KLF14: variants seen among roughly 807,000 people sequenced by gnomAD.
The protein encoded by KLF14 is Krueppel-like factor 14.
In KLF14, 13 loss-of-function variants were observed where a neutral mutation model predicts 16.2. That is an observed-to-expected ratio of 0.80 (90% CI 0.52 to 1.28). KLF14 has a LOEUF of 1.28. Among genes scored for constraint, KLF14 ranks in the 50% most tolerant of loss-of-function variants. KLF14 has a pLI of 0.00. For missense variants in KLF14, 571 were observed against 493.4 expected (o/e 1.16, Z -1.49); for synonymous variants, 276 against 233.7 (o/e 1.18, Z -1.65).
Position 130,732,819 on chromosome 7 carries a change from TG to T in KLF14, c.*242del. The T allele has an allele frequency of 1.9e-6, 1 of 516,824 alleles. No individual in the cohort carries two copies. Among genetic ancestry groups the T allele is most frequent in the Non-Finnish European group, 3.4e-6 (1 of 291,462 alleles). The allele number at this position is 516,824 out of a possible 1,614,324, so 32.0% of individuals were successfully genotyped here. A position where few individuals can be genotyped will look rare whatever the true frequency, so the allele number is the denominator to read the frequency against. Reference sequence around the variant, plus strand: ...GAGTTCATCCCTTCTTATCAGTTCCTGGGGGCTGTCTTGAGGCAACCCCCAC... The same window carrying T: ...GAGTTCATCCCTTCTTATCAGTTCCTGGGGCTGTCTTGAGGCAACCCCCAC... On this transcript the variant is annotated 3_prime_UTR_variant, in exon 1 of 1. Transcript: ENST00000583337.
chr7:130,733,893 C>T lies in KLF14; in HGVS notation c.141G>A (p.Pro47=). ...CCGGACCCGGCAGAGCGGACTCCGG[C>T]GGCGCCGCACCCACCTCCGAGCCAG... is the stretch of plus-strand genomic sequence containing the variant. ...GAAGSEVGAA[P]PESALPGPGP... is the part of the protein sequence containing the mutation. The change falls in exon 1 of 1, where the codon CCG becomes CCA. Residue 47 remains proline (P), a synonymous_variant. Coordinates refer to ENST00000583337, the MANE Select transcript of KLF14 (RefSeq NM_138693.4). This position sits in a 1 kb window ranked among gnomAD's most constrained non-coding sequence, Gnocchi z 5.2. 7.5e-7 allele frequency: 1 copy of T among 1,334,016 alleles called. No homozygotes were observed. The allele number at this position is 1,334,016 out of a possible 1,614,324, so 82.6% of individuals were successfully genotyped here.
chr7:130,732,909 A>G lies in KLF14; in HGVS notation c.*153T>C. 1 of 926,134 alleles carries G rather than the reference A, an allele frequency of 1.1e-6. No homozygotes were observed. Among genetic ancestry groups the G allele is most frequent in the Non-Finnish European group, 1.6e-6 (1 of 637,104 alleles). The allele number at this position is 926,134 out of a possible 1,614,324, so 57.4% of individuals were successfully genotyped here. ...TTTCCGGCCCCCAGTACCTCCCCAG[A>G]GTCCACATGTCTGCCTGGACCCACC... On this transcript the variant is annotated 3_prime_UTR_variant, in exon 1 of 1. Coordinates refer to ENST00000583337, the MANE Select transcript of KLF14 (RefSeq NM_138693.4).
Position 130,733,433 on chromosome 7 carries a change from C to A in KLF14, c.601G>T (p.Gly201Cys). Reference sequence around the variant, plus strand: ...GACTTGTAATAGGCTTTGGTGCAGCCCGGGAAGGGGCATTGGTGGCGCTTG... The same window carrying A: ...GACTTGTAATAGGCTTTGGTGCAGCACGGGAAGGGGCATTGGTGGCGCTTG... Reference protein sequence around the residue: ...AAKRHQCPFPGCTKAYYKSSH... With the variant: ...AAKRHQCPFPCCTKAYYKSSH... Residue 201 changes from glycine (G) to cysteine (C), a missense_variant, in exon 1 of 1, where the codon GGC becomes TGC. Gly to Cys is a radical substitution (Grantham distance 159). Coordinates refer to ENST00000583337, the MANE Select transcript of KLF14 (RefSeq NM_138693.4). The surrounding 1 kb of genome is among the most constrained non-coding windows in gnomAD (Gnocchi z 5.2). The A allele has an allele frequency of 6.2e-7, 1 of 1,614,042 alleles. No individual in the cohort carries two copies. Among genetic ancestry groups the A allele is most frequent in the Non-Finnish European group, 8.5e-7 (1 of 1,179,984 alleles).
rs1554471196 is a variant in KLF14, at chr7:130,733,937, C to G, written c.97G>C (p.Glu33Gln). 2 of 1,357,772 alleles carry G rather than the reference C, an allele frequency of 1.5e-6. No homozygotes were observed. Among genetic ancestry groups the G allele is most frequent in the South Asian group, 1.6e-5 (1 of 63,796 alleles). The allele number at this position is 1,357,772 out of a possible 1,614,324, so 84.1% of individuals were successfully genotyped here. Residue 33 changes from glutamate (E) to glutamine (Q), a missense_variant, in exon 1 of 1, where the codon GAG (glutamate) becomes CAG (glutamine). By Grantham distance (29) the Glu-to-Gln change is conservative. Transcript: ENST00000583337. This position sits in a 1 kb window ranked among gnomAD's most constrained non-coding sequence, Gnocchi z 5.2. ...AVVHRRPPDPEGAGGAAGSEV... is the reference protein window; with the variant it reads ...AVVHRRPPDPQGAGGAAGSEV... ...GAGCCAGCGGCTCCACCCGCGCCCT[C>G]GGGGTCCGGCGGGCGGCGGTGAACC...
In KLF14 at chr7:130,733,717, T is replaced by TC; in HGVS notation, c.316dup (p.Glu106GlyfsTer117). 6.4e-7 allele frequency: 1 copy of TC among 1,558,930 alleles called. No individual in the cohort carries two copies. The highest frequency in any genetic ancestry group is 8.6e-7 in the Non-Finnish European group (1 of 1,159,130). On this transcript the variant is annotated frameshift_variant, in exon 1 of 1. Coordinates refer to ENST00000583337, the MANE Select transcript of KLF14 (RefSeq NM_138693.4). LOFTEE classifies it high-confidence loss of function. The surrounding 1 kb of genome is among the most constrained non-coding windows in gnomAD (Gnocchi z 5.2). ...GAAGCCGGACGAGGCGCGTGGAGCT[T>TC]CCCCCGAGTTCTCCCAGGAGCCCTC...
In KLF14 at chr7:130,733,982, A is replaced by C. The variant is rs1267715403; in HGVS notation, c.52T>G (p.Ser18Ala). The change falls in exon 1 of 1, where the codon TCC becomes GCC. Residue 18 changes from serine (S) to alanine (A), a missense_variant. Coordinates refer to ENST00000583337, the MANE Select transcript of KLF14 (RefSeq NM_138693.4). The surrounding 1 kb of genome is among the most constrained non-coding windows in gnomAD (Gnocchi z 5.2). ...TGAACCACGGCGCCCGCGGACATGGACACCAGGCACTCGGCGGCGAAGTAG... is the reference window on the plus strand; with the variant it reads ...TGAACCACGGCGCCCGCGGACATGGCCACCAGGCACTCGGCGGCGAAGTAG... Reference protein sequence around the residue: ...LDYFAAECLVSMSAGAVVHRR... With the variant: ...LDYFAAECLVAMSAGAVVHRR... 71 of 1,378,058 alleles carry C rather than the reference A, an allele frequency of 5.2e-5. No individual in the cohort carries two copies. The highest frequency in any genetic ancestry group is 6.5e-5 in the Non-Finnish European group (69 of 1,061,018). The allele number at this position is 1,378,058 out of a possible 1,614,324, so 85.4% of individuals were successfully genotyped here. A position where few individuals can be genotyped will look rare whatever the true frequency, so the allele number is the denominator to read the frequency against.
Position 130,733,603 on chromosome 7 carries a change from G to C in KLF14, c.431C>G (p.Ser144Cys). ...GAAAVCAPESSSDAPAVPSAP... is the reference protein window; with the variant it reads ...GAAAVCAPESCSDAPAVPSAP... ...GCTTGGGACGGCGGGCGCATCGGAG[G>C]AGCTCTCGGGAGCGCAGACCGCCGC... The change falls in exon 1 of 1, where the codon TCC becomes TGC. Residue 144 changes from serine (S) to cysteine (C), a missense_variant. Ser to Cys is a moderately radical substitution (Grantham distance 112). Transcript: ENST00000583337. The surrounding 1 kb of genome is among the most constrained non-coding windows in gnomAD (Gnocchi z 5.2). 1 of 1,543,058 alleles carries C rather than the reference G, an allele frequency of 6.5e-7. No individual in the cohort carries two copies. Among genetic ancestry groups the C allele is most frequent in the Non-Finnish European group, 8.7e-7 (1 of 1,145,914 alleles).
Position 130,733,142 on chromosome 7 carries a change from G to A in KLF14, c.892C>T (p.Pro298Ser), listed in dbSNP as rs1229434799. Residue 298 changes from proline to serine, a missense_variant, in exon 1 of 1, where the codon CCG (proline) becomes TCG (serine). By Grantham distance (74) the Pro-to-Ser change is moderately conservative. Transcript: ENST00000583337. This position sits in a 1 kb window ranked among gnomAD's most constrained non-coding sequence, Gnocchi z 5.2. ...CTTTCCACCTCGCTGGTGAGTGGCG[G>A]GTCGATGCGGGGAGTTCGACGACGT... ...RGRRRTPRID[P>S]PLTSEVESSA... The A allele has an allele frequency of 1.3e-6, 2 of 1,580,190 alleles. No individual in the cohort carries two copies. The highest frequency in any genetic ancestry group is 3.6e-5 in the Admixed American group (2 of 55,434).
rs782482179 is a variant in KLF14, at chr7:130,733,302, G to C, written c.732C>G (p.Arg244=). ...TCTCGCCCGTGTGCGTCCTGTAGTG[G>C]CGGGCCAGCTCGTCGGAACGCGTAA... ...KKFTRSDELA[R]HYRTHTGEKR... is the part of the protein sequence containing the mutation. Residue 244 remains arginine, a synonymous_variant, in exon 1 of 1, where the codon CGC becomes CGG. Coordinates refer to ENST00000583337, the MANE Select transcript of KLF14 (RefSeq NM_138693.4). This position sits in a 1 kb window ranked among gnomAD's most constrained non-coding sequence, Gnocchi z 5.2. 1.7e-5 allele frequency: 27 copies of C among 1,607,846 alleles called. No individual in the cohort carries two copies. The highest frequency in any genetic ancestry group is 2.2e-5 in the East Asian group (1 of 44,544).
In KLF14 at chr7:130,732,826, T is replaced by G; in HGVS notation, c.*236A>C. ...TCCCTTCTTATCAGTTCCTGGGGGC[T>G]GTCTTGAGGCAACCCCCACTTTTAG... is the stretch of plus-strand genomic sequence containing the variant. On this transcript the variant is annotated 3_prime_UTR_variant, in exon 1 of 1. Transcript: ENST00000583337. 1 of 526,006 alleles carries G rather than the reference T, an allele frequency of 1.9e-6. No individual in the cohort carries two copies. Among genetic ancestry groups the G allele is most frequent in the Non-Finnish European group, 3.4e-6 (1 of 297,962 alleles). The allele number at this position is 526,006 out of a possible 1,614,324, so 32.6% of individuals were successfully genotyped here.
chr7:130,733,663 G>A lies in KLF14; in HGVS notation c.371C>T (p.Thr124Ile), dbSNP rs782680939. The A allele has an allele frequency of 3.2e-6, 5 of 1,565,246 alleles. No homozygotes were observed. The South Asian group carries it at 5.9e-5, about 18-fold the overall frequency. The change falls in exon 1 of 1, where the codon ACC (threonine) becomes ATC (isoleucine). Residue 124 changes from threonine to isoleucine, a missense_variant. Transcript: ENST00000583337. This position sits in a 1 kb window ranked among gnomAD's most constrained non-coding sequence, Gnocchi z 5.2. Reference sequence around the variant, plus strand: ...GGCGGGAGCCAGCTCGGAGCACGGGGTCTGGACGGAGCACGGGATCGGGTC... The same window carrying A: ...GGCGGGAGCCAGCTCGGAGCACGGGATCTGGACGGAGCACGGGATCGGGTC... ...FSDPIPCSVQ[T>I]PCSELAPASG...
Position 130,732,971 on chromosome 7 carries a change from T to G in KLF14, c.*91A>C. ...GGAACCAGTCTGTGCCTTGGTGTAA[T>G]GACTCTGGGAAAGAAGGATGGGCAG... On this transcript the variant is annotated 3_prime_UTR_variant, in exon 1 of 1. Transcript: ENST00000583337. 1 of 1,448,874 alleles carries G rather than the reference T, an allele frequency of 6.9e-7. No individual in the cohort carries two copies. Among genetic ancestry groups the G allele is most frequent in the African/African-American group, 1.4e-5 (1 of 70,946 alleles). 89.8% of individuals were successfully genotyped at this position (1,448,874 alleles called of 1,614,324 possible).
At position 130,734,089 on chromosome 7, in the gene KLF14, A is replaced by G. The variant is rs1436760303; in HGVS notation, c.-56T>C. On this transcript the variant is annotated 5_prime_UTR_variant, in exon 1 of 1. Coordinates refer to ENST00000583337, the MANE Select transcript of KLF14 (RefSeq NM_138693.4). The surrounding 1 kb of genome is among the most constrained non-coding windows in gnomAD (Gnocchi z 4.4). ...GTCCGAACGCGGCCGGCCGCGGGCGACGGAGTTCCCGGGAGCGTCCGTCCC... is the reference window on the plus strand; with the variant it reads ...GTCCGAACGCGGCCGGCCGCGGGCGGCGGAGTTCCCGGGAGCGTCCGTCCC... The G allele has an allele frequency of 3.2e-5, 34 of 1,078,842 alleles. No individual in the cohort carries two copies. The highest frequency in any genetic ancestry group is 3.5e-5 in the Non-Finnish European group (30 of 868,592). 66.8% of individuals were successfully genotyped at this position (1,078,842 alleles called of 1,614,324 possible).
At position 130,734,097 on chromosome 7, in the gene KLF14, C is replaced by T; in HGVS notation, c.-64G>A. On this transcript the variant is annotated 5_prime_UTR_variant, in exon 1 of 1. Coordinates refer to ENST00000583337, the MANE Select transcript of KLF14 (RefSeq NM_138693.4). This position sits in a 1 kb window ranked among gnomAD's most constrained non-coding sequence, Gnocchi z 4.4. ...GCGGCCGGCCGCGGGCGACGGAGTT[C>T]CCGGGAGCGTCCGTCCCGCAGCCTC... is the stretch of plus-strand genomic sequence containing the variant. The T allele has an allele frequency of 4.0e-6, 4 of 1,009,456 alleles. No homozygotes were observed. Among genetic ancestry groups the T allele is most frequent in the South Asian group, 4.4e-5 (1 of 22,980 alleles). The allele number at this position is 1,009,456 out of a possible 1,614,324, so 62.5% of individuals were successfully genotyped here.
rs1214403387 is a variant in KLF14, at chr7:130,732,821, G to A, written c.*241C>T. 9.7e-6 allele frequency: 5 copies of A among 516,226 alleles called. No individual in the cohort carries two copies. Among genetic ancestry groups the A allele is most frequent in the East Asian group, 9.1e-5 (3 of 32,982 alleles). 32.0% of individuals were successfully genotyped at this position (516,226 alleles called of 1,614,324 possible). On this transcript the variant is annotated 3_prime_UTR_variant, in exon 1 of 1. Coordinates refer to ENST00000583337, the MANE Select transcript of KLF14 (RefSeq NM_138693.4). ...GTTCATCCCTTCTTATCAGTTCCTG[G>A]GGGCTGTCTTGAGGCAACCCCCACT... is the stretch of plus-strand genomic sequence containing the variant.
chr7:130,731,354 T>C lies in KLF14; in HGVS notation c.*1708A>G, dbSNP rs1797184968. 6.6e-6 allele frequency: 1 copy of C among 152,038 alleles called. No individual in the cohort carries two copies. Among genetic ancestry groups the C allele is most frequent in the African/African-American group, 2.4e-5 (1 of 41,346 alleles). The allele number at this position is 152,038 out of a possible 1,614,324, so 9.4% of individuals were successfully genotyped here. On this transcript the variant is annotated 3_prime_UTR_variant, in exon 1 of 1. Coordinates refer to ENST00000583337, the MANE Select transcript of KLF14 (RefSeq NM_138693.4). Reference sequence around the variant, plus strand: ...ATAGGCAAAGGGTTCAATCAACATGTGAAGGTACACAGAAGCAATACAGAA... The same window carrying C: ...ATAGGCAAAGGGTTCAATCAACATGCGAAGGTACACAGAAGCAATACAGAA...
rs1554470480 is a variant in KLF14, at chr7:130,730,883, C to G, written c.*2179G>C. Among the ~76,000 whole-genome samples the G allele has an allele frequency of 6.6e-6, 1 of 152,170 alleles. No homozygotes were observed. The highest frequency in any genetic ancestry group is 6.5e-5 in the Admixed American group (1 of 15,288). ...TAGTCTTCAATAGGACCCCCAATGC[C>G]CTAGCTATCCAGCCCTAGCTGAAGA... On this transcript the variant is annotated 3_prime_UTR_variant, in exon 1 of 1. Coordinates refer to ENST00000583337, the MANE Select transcript of KLF14 (RefSeq NM_138693.4).
rs1554470755 is a variant in KLF14 at position 130,733,045 on chromosome 7, T to C, written c.*17A>G. On this transcript the variant is annotated 3_prime_UTR_variant, in exon 1 of 1. Coordinates refer to ENST00000583337, the MANE Select transcript of KLF14 (RefSeq NM_138693.4). This position sits in a 1 kb window ranked among gnomAD's most constrained non-coding sequence, Gnocchi z 5.2. ...GGGGGATCATCCTTGAGGGTAAGAC[T>C]GACAGCAATGACTGTCCTACAGGCA... The C allele has an allele frequency of 9.1e-6, 14 of 1,540,890 alleles. No homozygotes were observed. Among genetic ancestry groups the C allele is most frequent in the Non-Finnish European group, 1.2e-5 (14 of 1,144,430 alleles).
Position 130,733,567 on chromosome 7 carries a change from G to T in KLF14, c.467C>A (p.Ala156Asp), listed in dbSNP as rs1797236685. The change falls in exon 1 of 1, where the codon GCC becomes GAC. Residue 156 changes from alanine (A) to aspartate (D), a missense_variant. By Grantham distance (126) the Ala-to-Asp change is moderately radical. Coordinates refer to ENST00000583337, the MANE Select transcript of KLF14 (RefSeq NM_138693.4). This position sits in a 1 kb window ranked among gnomAD's most constrained non-coding sequence, Gnocchi z 5.2. ...DAPAVPSAPA[A>D]PGAPAASGGF... ...ACCAGAGGCTGCTGGTGCGCCCGGG[G>T]CAGCAGGCGCGCTTGGGACGGCGGG... 6 of 1,553,644 alleles carry T rather than the reference G, an allele frequency of 3.9e-6. No homozygotes were observed. Among genetic ancestry groups the T allele is most frequent in the Non-Finnish European group, 5.2e-6 (6 of 1,149,972 alleles).
Sources: allele counts gnomAD v4.1 joint callset (sites outside exome capture counted in the v4.1 genomes callset), GRCh38; gene constraint gnomAD v4.1.1; non-coding constraint Gnocchi (gnomAD v3.1); transcripts MANE v1.5; gene names NCBI Gene and HGNC (gene_info 2026-07-23, HGNC 2026-07-21).